The following ANXA11 variants were observed in gnomAD, a reference collection of about 807,000 sequenced individuals.
The protein encoded by ANXA11 is 56 kDa autoantigen.
A neutral mutation model predicts 64.7 loss-of-function variants in ANXA11; 57 were observed. The ratio of observed to expected loss-of-function variants is 0.88; its 90% confidence interval spans 0.71 to 1.10. The LOEUF (loss-of-function observed/expected upper bound fraction) is 1.10. Among genes scored for constraint, ANXA11 ranks in the 50% least tolerant of loss-of-function variants. ANXA11 has a pLI of 0.00. For missense variants in ANXA11, 675 were observed against 670.7 expected (o/e 1.01, Z -0.07); for synonymous variants, 260 against 265.2 (o/e 0.98, Z 0.19).
chr10:80,180,945 A>C (rs6585454), intron 1 of ANXA11: 1 of 152,164 alleles, frequency 6.6e-6, no homozygotes, highest in Non-Finnish European at 1.5e-5. Flanking sequence ...TCTTACCCGC[A>C]TGATGTCTTC....
At chr10:80,174,657 C>T (rs147138438) in intron 2 of ANXA11, among the ~76,000 whole-genome samples, 1 of 152,018 alleles carries the variant, frequency 6.6e-6, no homozygotes, top group Non-Finnish European at 1.5e-5. Context: ...CTGTAACCTC[C>T]GCCTCCTGGG....
intron 2 of ANXA11, 183 bp from the exon 3 acceptor site, chr10:80,173,052 G>C (rs1589432429): frequency 7.0e-6 from 4 of 573,756 alleles, no homozygotes; most frequent in Non-Finnish European, 1.2e-5. Context: ...GCTAGAAACA[G>C]TACCCACCAG....
In ANXA11 at chr10:80,151,654, G is replaced by A. The variant is rs768918573; in HGVS notation, c.*4199C>T. ...ACTTTGACCGTGGGCACCTGCAAAG[G>A]TTCATCTTTCAGCTCCCTCTTCCCA... On this transcript the variant is annotated 3_prime_UTR_variant, in exon 16 of 16. Coordinates refer to ENST00000422982, the MANE Select transcript of ANXA11 (RefSeq NM_145868.2). 1 of 152,130 alleles carries A rather than the reference G, an allele frequency of 6.6e-6. No homozygotes were observed. The highest frequency in any genetic ancestry group is 1.5e-5 in the Non-Finnish European group (1 of 68,040). 9.4% of individuals were successfully genotyped at this position (152,130 alleles called of 1,614,324 possible). A position where few individuals can be genotyped will look rare whatever the true frequency, so the allele number is the denominator to read the frequency against.
intron 1 of ANXA11, among the ~76,000 whole-genome samples, chr10:80,178,052 G>A (rs34360199): frequency 0.041 from 6,302 of 152,208 alleles, 171 homozygotes; most frequent in Non-Finnish European, 0.066. Flanking sequence ...AGAGGCTACC[G>A]CAAGGGGCTG....
chr10:80,178,825 A>G (rs1292465400), intron 1 of ANXA11, among the ~76,000 whole-genome samples: 2 of 152,206 alleles, frequency 1.3e-5, no homozygotes, highest in Non-Finnish European at 2.9e-5. Context: ...CTAGCGCCCT[A>G]GCCCCCATAT....
chr10:80,188,627 C>G (rs866950777), intron 1 of ANXA11, among the ~76,000 whole-genome samples: 1 of 151,600 alleles, frequency 6.6e-6, no homozygotes, highest in African/African-American at 2.4e-5. Context: ...GCTGTGTGAC[C>G]CCCCTGGGCA....
intron 7 of ANXA11, 62 bp downstream of exon 7, chr10:80,166,828 A>G: frequency 1.6e-6 from 2 of 1,286,362 alleles, no homozygotes; most frequent in Non-Finnish European, 2.2e-6. Context: ...AGCAGGGGAG[A>G]GCAGGGCTGT....
At position 80,155,429 on chromosome 10, in the gene ANXA11, C is replaced by A. The variant is rs3190233; in HGVS notation, c.*424G>T. 0.038 allele frequency: 6,542 copies of A among 170,876 alleles called. 187 individuals carry two copies. Among genetic ancestry groups the A allele is most frequent in the Non-Finnish European group, 0.056 (4,435 of 78,990 alleles). 10.6% of individuals were successfully genotyped at this position (170,876 alleles called of 1,614,324 possible). On this transcript the variant is annotated 3_prime_UTR_variant, in exon 16 of 16. Transcript: ENST00000422982. The stretch of plus-strand genomic sequence containing the variant: ...TCCTCAGCGAGGACACGGTGCTTCA[C>A]CCACCCAGTCGCCCTCACCAGAAAT...
intron 5 of ANXA11, among the ~76,000 whole-genome samples, chr10:80,168,588 C>T (rs1455714137): frequency 6.6e-6 from 1 of 152,102 alleles, no homozygotes; most frequent in East Asian, 1.9e-4. Flanking sequence ...GGAGTGAGTG[C>T]AGCGGCATGA....
rs1270366072 is a variant in ANXA11, at chr10:80,155,612, A to G, written c.*241T>C. 2 of 501,500 alleles carry G rather than the reference A, an allele frequency of 4.0e-6. No individual in the cohort carries two copies. The highest frequency in any genetic ancestry group is 7.0e-6 in the Non-Finnish European group (2 of 284,602). 31.1% of individuals were successfully genotyped at this position (501,500 alleles called of 1,614,324 possible). ...ATTGCATGAGTCAGAAAAATGAAAC[A>G]TCTATTTTAGCAGCAAGAGGCTGTG... On this transcript the variant is annotated 3_prime_UTR_variant, in exon 16 of 16. Transcript: ENST00000422982.
rs1845157973 is a variant in ANXA11 at position 80,151,582 on chromosome 10, C to T, written c.*4271G>A. The stretch of plus-strand genomic sequence containing the variant: ...AGGTCCTAAGGTAGGGCTGTAACTC[C>T]CTGCCAAGGCCAACAGAAAATGGGC... On this transcript the variant is annotated 3_prime_UTR_variant, in exon 16 of 16. Transcript: ENST00000422982. 1 of 152,172 alleles carries T rather than the reference C, an allele frequency of 6.6e-6. No homozygotes were observed. Among genetic ancestry groups the T allele is most frequent in the African/African-American group, 2.4e-5 (1 of 41,426 alleles). The allele number at this position is 152,172 out of a possible 1,614,324, so 9.4% of individuals were successfully genotyped here.
chr10:80,171,422 A>G (rs1292737863), intron 3 of ANXA11, among the ~76,000 whole-genome samples: 3 of 152,236 alleles, frequency 2.0e-5, no homozygotes, highest in African/African-American at 7.2e-5. Flanking sequence ...GGGCTGGGTC[A>G]TGGTAAACAC....
chr10:80,198,192 G>A (rs891673354), intron 1 of ANXA11, among the ~76,000 whole-genome samples: 8 of 152,246 alleles, frequency 5.3e-5, no homozygotes, highest in African/African-American at 1.9e-4. Context: ...CCTAACCTGA[G>A]GAACACAGGC....
In ANXA11 at chr10:80,166,143, A is replaced by G; in HGVS notation, c.799T>C (p.Leu267=). The change falls in exon 8 of 16, where the codon TTG becomes CTG. Residue 267 remains leucine, a synonymous_variant. Coordinates refer to ENST00000422982, the MANE Select transcript of ANXA11 (RefSeq NM_145868.2). ...ELSGNFEKTI[L]ALMKTPVLFD... is the part of the protein sequence containing the mutation. ...AGGACTGGGGTCTTCATCAGAGCCA[A>G]GATTGTCTTCTCAAAGTTTCCTGAC... The G allele has an allele frequency of 6.2e-7, 1 of 1,613,724 alleles. No homozygotes were observed. Among genetic ancestry groups the G allele is most frequent in the Non-Finnish European group, 8.5e-7 (1 of 1,179,758 alleles).
In ANXA11 at chr10:80,163,346, C is replaced by A. The variant is rs1188262455; in HGVS notation, c.1086+3G>T. 6.2e-7 allele frequency: 1 copy of A among 1,613,090 alleles called. No individual in the cohort carries two copies. The highest frequency in any genetic ancestry group is 1.7e-5 in the Admixed American group (1 of 60,020). On this transcript the variant is annotated splice_donor_region_variant and intron_variant, in intron 11 of 15. Coordinates refer to ENST00000422982, the MANE Select transcript of ANXA11 (RefSeq NM_145868.2). The stretch of plus-strand genomic sequence containing the variant: ...AGTCCAGGGGCTTGGCCATCACACT[C>A]ACCTGGGCATCTCTCTGGGCGAGTG...
At chr10:80,201,675 C>T (rs1015962229) in intron 1 of ANXA11, among the ~76,000 whole-genome samples, 10 of 152,204 alleles carry the variant, frequency 6.6e-5, no homozygotes, top group Admixed American at 6.5e-4. Context: ...AGCAGTTCTA[C>T]AGGAACATGC....
intron 3 of ANXA11, chr10:80,171,521 C>G (rs1256109319): frequency 1.3e-6 from 1 of 740,818 alleles, no homozygotes; most frequent in African/African-American, 1.9e-5. Context: ...TGGGGCAAGG[C>G]TTTCACCCTC....
intron 1 of ANXA11, among the ~76,000 whole-genome samples, chr10:80,202,594 G>A (rs1283807271): frequency 6.6e-6 from 1 of 151,904 alleles, no homozygotes; most frequent in East Asian, 1.9e-4. Context: ...ACTATTCTGG[G>A]GGCAATGGGA....
chr10:80,185,509 C>A (rs570872586), intron 1 of ANXA11, among the ~76,000 whole-genome samples: 1 of 152,328 alleles, frequency 6.6e-6, no homozygotes, highest in East Asian at 1.9e-4. Flanking sequence ...CAATTTGCAA[C>A]AGCGTAATAA....
Sources: gnomAD v4.1 joint callset for allele counts (sites outside exome capture counted in the v4.1 genomes callset) on GRCh38, gnomAD v4.1.1 for gene constraint, MANE v1.5 for transcripts, NCBI Gene and HGNC (gene_info 2026-07-23, HGNC 2026-07-21) for gene names.